MASTL: variants seen among roughly 807,000 people sequenced by gnomAD.
The protein encoded by MASTL is serine/threonine-protein kinase greatwall.
MASTL carries 54 observed loss-of-function variants against 82.5 expected under a neutral mutation model. That is an observed-to-expected ratio of 0.65 (90% CI 0.53 to 0.82). The LOEUF is 0.82. Ranked by LOEUF, MASTL falls within the 40% of genes least tolerant of loss-of-function variation. MASTL has a pLI of 0.00. For synonymous variants in MASTL, 323 were observed against 368.9 expected (o/e 0.88, Z 1.43); for missense variants, 950 against 1,047.8 (o/e 0.91, Z 1.29).
At chr10:27,155,742 A>G in intron 1 of MASTL, 130 bp downstream of exon 1, 1 of 986,606 alleles carries the variant, frequency 1.0e-6, no homozygotes. Context: ...AAGCCTCCAG[A>G]GCCCTGCGAG....
chr10:27,178,759 T>C (rs2058182639), intron 9 of MASTL, among the ~76,000 whole-genome samples: 1 of 152,142 alleles, frequency 6.6e-6, no homozygotes, highest in Admixed American at 6.5e-5. Flanking sequence ...AGGAAATTTT[T>C]TTTTTCTAAT....
rs1217103344 is a variant in MASTL, at chr10:27,170,786, T to TA, written c.1827_1828insA (p.Val610SerfsTer23). ...AATCAAATATTGAAGATCCACTTATTGTAACACCAGATTGCCAAGAAAAGA... is the reference window on the plus strand; with the variant it reads ...AATCAAATATTGAAGATCCACTTATTAGTAACACCAGATTGCCAAGAAAAGA... On this transcript the variant is annotated frameshift_variant, in exon 8 of 12. Coordinates refer to ENST00000375940, the MANE Select transcript of MASTL (RefSeq NM_001172303.3). LOFTEE classifies it high-confidence loss of function. 1.9e-6 allele frequency: 3 copies of TA among 1,614,158 alleles called. No homozygotes were observed. Among genetic ancestry groups the TA allele is most frequent in the Non-Finnish European group, 1.7e-6 (2 of 1,180,006 alleles).
Position 27,169,976 on chromosome 10 carries a change from G to T in MASTL, c.1017G>T (p.Met339Ile). Residue 339 changes from methionine to isoleucine, a missense_variant, in exon 8 of 12, where the codon ATG becomes ATT. Coordinates refer to ENST00000375940, the MANE Select transcript of MASTL (RefSeq NM_001172303.3). ...ESDEALGPTM[M>I]SWNAVEKLCA... ...ATGAAGCATTGGGCCCAACAATGAT[G>T]AGTTGGAATGCAGTTGAAAAGTTAT... 6.2e-7 allele frequency: 1 copy of T among 1,614,098 alleles called. No homozygotes were observed.
In MASTL at chr10:27,165,183, G is replaced by A; in HGVS notation, c.660+13G>A. 1 of 1,564,702 alleles carries A rather than the reference G, an allele frequency of 6.4e-7. No homozygotes were observed. Among genetic ancestry groups the A allele is most frequent in the Non-Finnish European group, 8.8e-7 (1 of 1,135,228 alleles). On this transcript the variant is annotated intron_variant, in intron 5 of 11. Transcript: ENST00000375940. ...CTCGTTGGGATTTGTAAGTACTTGA[G>A]AAGAAAATTAACATGACATACCCCT...
At chr10:27,166,781 C>T (rs970414466) in intron 6 of MASTL, among the ~76,000 whole-genome samples, 174 of 152,234 alleles carry the variant, frequency 1.1e-3, no homozygotes, top group African/African-American at 4.1e-3. Context: ...ATCAATCGAC[C>T]ATTCCCTTGT....
At position 27,165,438 on chromosome 10, in the gene MASTL, CCTGT is replaced by C. The variant is rs752596739; in HGVS notation, c.718_721del (p.Ser240LysfsTer15). On this transcript the variant is annotated frameshift_variant, in exon 6 of 12. Coordinates refer to ENST00000375940, the MANE Select transcript of MASTL (RefSeq NM_001172303.3). LOFTEE classifies it high-confidence loss of function. ...CAAGACCCTGCAAACATCCTTTCAG[CCTGT>C]CTGTCTGAAACATCACAGCTTTCTC... 5 of 1,613,948 alleles carry C rather than the reference CCTGT, an allele frequency of 3.1e-6. No homozygotes were observed. Among genetic ancestry groups the C allele is most frequent in the African/African-American group, 1.3e-5 (1 of 75,030 alleles).
chr10:27,155,681 G>A, intron 1 of MASTL, 69 bp downstream of exon 1: 2 of 1,576,366 alleles, frequency 1.3e-6, no homozygotes, highest in Non-Finnish European at 1.7e-6. Flanking sequence ...CACCGGCTTG[G>A]GCAGGCCCCG....
intron 6 of MASTL, among the ~76,000 whole-genome samples, chr10:27,166,069 T>G (rs190074187): frequency 2.6e-5 from 4 of 152,094 alleles, no homozygotes; most frequent in Admixed American, 1.3e-4. Flanking sequence ...TAGCTGGTCG[T>G]GGTGGTGGGC....
chr10:27,176,044 C>T (rs2058091608), intron 9 of MASTL, among the ~76,000 whole-genome samples: 1 of 151,642 alleles, frequency 6.6e-6, no homozygotes, highest in Non-Finnish European at 1.5e-5. Context: ...TTGCAGTGAG[C>T]CAAGATCGTG....
At chr10:27,178,356 A>T (rs1053874164) in intron 9 of MASTL, among the ~76,000 whole-genome samples, 3 of 149,026 alleles carry the variant, frequency 2.0e-5, no homozygotes, top group African/African-American at 4.9e-5. Flanking sequence ...AGATTACACC[A>T]CTGCACTCCA....
At position 27,155,572 on chromosome 10, in the gene MASTL, T is replaced by C. The variant is rs1197046423; in HGVS notation, c.146T>C (p.Val49Ala). 1 of 1,614,022 alleles carries C rather than the reference T, an allele frequency of 6.2e-7. No homozygotes were observed. The highest frequency in any genetic ancestry group is 1.1e-5 in the South Asian group (1 of 91,080). The change falls in exon 1 of 12, where the codon GTG becomes GCG. Residue 49 changes from valine to alanine, a missense_variant. Transcript: ENST00000375940. Reference sequence around the variant, plus strand: ...ATTAGCCGGGGCGCCTTCGGGAAAGTGTATCTGGGGCAGAAAGGCGGCAAA... The same window carrying C: ...ATTAGCCGGGGCGCCTTCGGGAAAGCGTATCTGGGGCAGAAAGGCGGCAAA... ...KPISRGAFGK[V>A]YLGQKGGKLY...
intron 6 of MASTL, among the ~76,000 whole-genome samples, 154 bp from the exon 7 acceptor site, chr10:27,166,948 A>G (rs1287045523): frequency 6.7e-6 from 1 of 148,530 alleles, no homozygotes; most frequent in Non-Finnish European, 1.5e-5. Flanking sequence ...TGTGGACTAG[A>G]TAGTGTTTAC....
intron 1 of MASTL, among the ~76,000 whole-genome samples, chr10:27,157,744 C>T (rs186134214): frequency 1.3e-4 from 20 of 152,042 alleles, no homozygotes; most frequent in Non-Finnish European, 2.9e-4. Flanking sequence ...TTCTGTAAGA[C>T]AGCATTTGGG....
rs142823235 is a variant in MASTL, at chr10:27,165,398, A to C, written c.670A>C (p.Ile224Leu). Residue 224 changes from isoleucine to leucine, a missense_variant, in exon 6 of 12, where the codon ATT becomes CTT. Coordinates refer to ENST00000375940, the MANE Select transcript of MASTL (RefSeq NM_001172303.3). The stretch of plus-strand genomic sequence containing the variant: ...TTTCTCTTTTTAATAGAACACACCA[A>C]TTGCAGAAAAAAATCAAGACCCTGC... ...LISSLGFNTP[I>L]AEKNQDPANI... The C allele has an allele frequency of 6.2e-7, 1 of 1,614,006 alleles. No homozygotes were observed. Among genetic ancestry groups the C allele is most frequent in the Non-Finnish European group, 8.5e-7 (1 of 1,180,044 alleles).
At chr10:27,172,714 G>C (rs143165801) in intron 8 of MASTL, among the ~76,000 whole-genome samples, 1 of 152,104 alleles carries the variant, frequency 6.6e-6, no homozygotes, top group East Asian at 1.9e-4. Flanking sequence ...ATGCTATTTA[G>C]TACAATAGGT....
intron 9 of MASTL, among the ~76,000 whole-genome samples, chr10:27,179,394 A>C (rs1462640555): frequency 6.6e-6 from 1 of 152,136 alleles, no homozygotes; most frequent in African/African-American, 2.4e-5. Flanking sequence ...CTCTACTAAA[A>C]ATACAGAAAA....
rs1161403578 is a variant in MASTL, at chr10:27,170,537, A to G, written c.1578A>G (p.Pro526=). Residue 526 remains proline, a synonymous_variant, in exon 8 of 12, where the codon CCA becomes CCG. Coordinates refer to ENST00000375940, the MANE Select transcript of MASTL (RefSeq NM_001172303.3). ...AAACACCAGAAAAATTACCTATACC[A>G]ATGATAGCAAAAAACCTTATGTGTG... The part of the protein sequence containing the change: ...KQQTPEKLPI[P]MIAKNLMCEL... The G allele has an allele frequency of 5.0e-6, 8 of 1,613,874 alleles. No individual in the cohort carries two copies. The highest frequency in any genetic ancestry group is 1.1e-5 in the South Asian group (1 of 91,066).
rs1295434911 is a variant in MASTL, at chr10:27,177,865, C to T, written c.2267-3088C>T. 3 of 790,776 alleles carry T rather than the reference C, an allele frequency of 3.8e-6. No homozygotes were observed. In the African/African-American group the frequency reaches 5.8e-5, roughly 15 times the overall value. 49.0% of individuals were successfully genotyped at this position (790,776 alleles called of 1,614,324 possible). A position where few individuals can be genotyped will look rare whatever the true frequency, so the allele number is the denominator to read the frequency against. Reference sequence around the variant, plus strand: ...ATGCGGCAAAGCACATTAAACTGAACAGTCAAAGTATAACTAGATCACATT... The same window carrying T: ...ATGCGGCAAAGCACATTAAACTGAATAGTCAAAGTATAACTAGATCACATT... On this transcript the variant is annotated intron_variant, in intron 9 of 11. Transcript: ENST00000375940.
At position 27,157,253 on chromosome 10, in the gene MASTL, A is replaced by C. The variant is rs528347747; in HGVS notation, c.187-1296A>C. ...GATCTGATTGAATTGGTTACTTTATATGTTCCTGAGATTTTTACTTTTCCT... is the reference window on the plus strand; with the variant it reads ...GATCTGATTGAATTGGTTACTTTATCTGTTCCTGAGATTTTTACTTTTCCT... On this transcript the variant is annotated intron_variant, in intron 1 of 11. Coordinates refer to ENST00000375940, the MANE Select transcript of MASTL (RefSeq NM_001172303.3). 6.6e-5 allele frequency among the ~76,000 whole-genome samples: 10 copies of C among 152,266 alleles called. No individual in the cohort carries two copies. The East Asian group carries it at 1.5e-3, about 23-fold the overall frequency.
Sources: allele counts gnomAD v4.1 joint callset (sites outside exome capture counted in the v4.1 genomes callset), GRCh38; gene constraint gnomAD v4.1.1; transcripts MANE v1.5; gene names NCBI Gene and HGNC (gene_info 2026-07-23, HGNC 2026-07-21).